OPRM1: variants seen among roughly 807,000 people sequenced by gnomAD.
The protein encoded by OPRM1 is mu-type opioid receptor.
Under a neutral mutation model 31.8 loss-of-function variants are expected in OPRM1, and 27 were observed. That is an observed-to-expected ratio of 0.85 (90% confidence interval 0.63 to 1.17). The LOEUF (loss-of-function observed/expected upper bound fraction) is 1.17, where lower values mean the gene tolerates loss of function less well. OPRM1 is among the 50% of genes most tolerant of loss of function. The pLI, the probability that OPRM1 is intolerant of heterozygous loss-of-function variation, is 0.00. For synonymous variants in OPRM1, 196 were observed against 189.9 expected, an observed-to-expected ratio of 1.03 and a Z score of -0.26; for missense variants, 536 against 511.1, an observed-to-expected ratio of 1.05 and a Z score of -0.47.
chr6:154,040,522 T>G (rs1779843099), intron 1 of OPRM1, among the ~76,000 whole-genome samples: 2 of 152,214 alleles, frequency 1.3e-5, no homozygotes, highest in Non-Finnish European at 1.5e-5. Flanking sequence ...ATGTGTTGCC[T>G]AGACCAGTTT....
At position 154,118,667 on chromosome 6, in the gene OPRM1, C is replaced by T. The variant is rs755841811; in HGVS notation, c.1165-16C>T. On this transcript the variant is annotated splice_polypyrimidine_tract_variant and intron_variant, in intron 3 of 3. Coordinates refer to ENST00000330432, the MANE Select transcript of OPRM1 (RefSeq NM_000914.5). ...ATCTGAAATGTTCACTGTCTTTGCT[C>T]TTTCTCTCCTTTCAGCTAGAAAATC... is the stretch of plus-strand genomic sequence containing the variant. The T allele has an allele frequency of 6.2e-7, 1 of 1,612,624 alleles. No individual in the cohort carries two copies. Among genetic ancestry groups the T allele is most frequent in the Non-Finnish European group, 8.5e-7 (1 of 1,179,178 alleles).
chr6:154,230,287 T>C (rs901655400), intron 3 of OPRM1, among the ~76,000 whole-genome samples: 14 of 152,192 alleles, frequency 9.2e-5, no homozygotes, highest in Non-Finnish European at 4.4e-5. Flanking sequence ...CAGATGGGGA[T>C]ATTGATAATG....
intron 1 of OPRM1, among the ~76,000 whole-genome samples, chr6:154,024,762 AT>A (rs61528822): frequency 0.029 from 4,374 of 149,618 alleles, 201 homozygotes; most frequent in African/African-American, 0.1. Context: ...TGTTTCAAGA[AT>A]TTTTTTCAAT....
At chr6:154,113,483 G>T (rs1046742201) in intron 3 of OPRM1, among the ~76,000 whole-genome samples, 1 of 152,112 alleles carries the variant, frequency 6.6e-6, no homozygotes, top group Admixed American at 6.5e-5. Flanking sequence ...ACTTGATTTG[G>T]ATCACCATGA....
chr6:154,091,973 A>T, intron 3 of OPRM1: 1 of 984,662 alleles, frequency 1.0e-6, no homozygotes, highest in Non-Finnish European at 1.2e-6. Flanking sequence ...AGGAGAAAAG[A>T]TTAAAAAATG....
chr6:154,238,837 T>C lies in OPRM1; in HGVS notation c.1165-7856T>C, dbSNP rs118101928. ...CTGGGATTACAGGCGTGAGCCACCATGCCTGGCCCTATTGTATAATCTTTT... is the reference window on the plus strand; with the variant it reads ...CTGGGATTACAGGCGTGAGCCACCACGCCTGGCCCTATTGTATAATCTTTT... On this transcript the variant is annotated intron_variant, in intron 3 of 3. Coordinates refer to the OPRM1 transcript ENST00000337049. Among the ~76,000 whole-genome samples the C allele has an allele frequency of 2.2e-4, 33 of 152,096 alleles. 1 individual carries two copies. In the East Asian group the frequency reaches 6.0e-3, roughly 28 times the overall value.
At chr6:154,011,221 G>T (rs1777708563) in intron 1 of OPRM1, among the ~76,000 whole-genome samples, 1 of 152,118 alleles carries the variant, frequency 6.6e-6, no homozygotes, top group Admixed American at 6.6e-5. Context: ...AAGTGTGTGT[G>T]TGCATGTCTG....
At chr6:154,236,235 A>T (rs1444458594) in intron 3 of OPRM1, among the ~76,000 whole-genome samples, 1 of 152,242 alleles carries the variant, frequency 6.6e-6, no homozygotes. Context: ...CAATTCTGAG[A>T]CCTGCTACCA....
intron 1 of OPRM1, among the ~76,000 whole-genome samples, chr6:154,089,380 A>T (rs1791452824): frequency 6.6e-6 from 1 of 152,088 alleles, no homozygotes; most frequent in Non-Finnish European, 1.5e-5. Context: ...TGAGCCCAAG[A>T]GTTCAAGACC....
chr6:154,081,739 A>G (rs1789211590), intron 1 of OPRM1, among the ~76,000 whole-genome samples: 1 of 152,198 alleles, frequency 6.6e-6, no homozygotes, highest in African/African-American at 2.4e-5. Context: ...ATTGCTTACA[A>G]CACAATCAGC....
intron 3 of OPRM1, among the ~76,000 whole-genome samples, chr6:154,139,682 A>T (rs1292306610): frequency 6.6e-6 from 1 of 152,112 alleles, no homozygotes; most frequent in Non-Finnish European, 1.5e-5. Context: ...GGCCTAACAC[A>T]CAGCCATCAG....
chr6:154,086,753 A>G (rs1311227095), intron 1 of OPRM1: 1 of 985,334 alleles, frequency 1.0e-6, no homozygotes. Flanking sequence ...AAGATAAGCC[A>G]CGAAATGTAA....
At chr6:154,161,105 A>G (rs1196684262) in intron 3 of OPRM1, among the ~76,000 whole-genome samples, 1 of 152,126 alleles carries the variant, frequency 6.6e-6, no homozygotes, top group African/African-American at 2.4e-5. Flanking sequence ...GTTGTGCCAC[A>G]TGAAGAATCT....
intron 3 of OPRM1, among the ~76,000 whole-genome samples, chr6:154,187,635 T>G (rs980312202): frequency 3.5e-4 from 53 of 152,334 alleles, no homozygotes; most frequent in African/African-American, 1.2e-3. Context: ...TATATATGGC[T>G]TGGCTCACAT....
At chr6:154,090,836 A>G in intron 2 of OPRM1, 116 bp from the exon 3 acceptor site, 1 of 831,996 alleles carries the variant, frequency 1.2e-6, no homozygotes, top group Non-Finnish European at 1.9e-6. Context: ...ATTTCTTTAT[A>G]GCCTTAAGTT....
downstream of OPRM1, among the ~76,000 whole-genome samples, chr6:154,133,892 A>G (rs1336870607): frequency 1.3e-5 from 2 of 152,182 alleles, no homozygotes; most frequent in African/African-American, 2.4e-5. Flanking sequence ...GTTCATTTCC[A>G]CAGAAAAGGC....
chr6:154,180,757 A>C (rs1465373357), intron 3 of OPRM1, among the ~76,000 whole-genome samples: 1 of 152,244 alleles, frequency 6.6e-6, no homozygotes, highest in African/African-American at 2.4e-5. Flanking sequence ...TGGATTCAGA[A>C]GACAGGAGGG....
In OPRM1 at chr6:154,119,360, T is replaced by C. The variant is rs1161180905; in HGVS notation, c.*639T>C. On this transcript the variant is annotated 3_prime_UTR_variant, in exon 4 of 4. Coordinates refer to ENST00000330432, the MANE Select transcript of OPRM1 (RefSeq NM_000914.5). ...TGAAAGGTAATCTGAAACACAGTCA[T>C]GTGTCAGCTGTAGAAAGGTTGATTC... The C allele has an allele frequency of 5.1e-6, 5 of 985,114 alleles. No individual in the cohort carries two copies. Among genetic ancestry groups the C allele is most frequent in the Non-Finnish European group, 6.0e-6 (5 of 829,746 alleles). The allele number at this position is 985,114 out of a possible 1,614,324, so 61.0% of individuals were successfully genotyped here.
At chr6:154,065,365 G>A (rs531053928) in intron 1 of OPRM1, among the ~76,000 whole-genome samples, 1 of 152,070 alleles carries the variant, frequency 6.6e-6, no homozygotes, top group South Asian at 2.1e-4. Flanking sequence ...GGCCAGGATG[G>A]TCTCCATCTC....
Sources: gnomAD v4.1 joint callset for allele counts (sites outside exome capture counted in the v4.1 genomes callset) on GRCh38, gnomAD v4.1.1 for gene constraint, MANE v1.5 for transcripts, NCBI Gene and HGNC (gene_info 2026-07-23, HGNC 2026-07-21) for gene names.